The following TMEM117 variants were observed in gnomAD, a reference collection of about 807,000 sequenced individuals.
TMEM117 encodes the protein transmembrane protein 117.
In TMEM117, 27 loss-of-function variants were observed where a neutral mutation model predicts 52.4. That is an observed-to-expected ratio of 0.51 (90% CI 0.38 to 0.71). The LOEUF is 0.71. TMEM117 is among the 30% of genes least tolerant of loss of function. The pLI, the probability that TMEM117 is intolerant of heterozygous loss-of-function variation, is 0.00. For synonymous variants in TMEM117, 215 were observed against 206.3 expected, an observed-to-expected ratio of 1.04 and a Z score of -0.36; for missense variants, 556 against 630.5, an observed-to-expected ratio of 0.88 and a Z score of 1.26.
chr12:43,920,554 T>C (rs1464453204), intron 2 of TMEM117, among the ~76,000 whole-genome samples: 2 of 103,184 alleles, frequency 1.9e-5, no homozygotes, highest in Non-Finnish European at 3.6e-5. Context: ...AGGGCCTTTT[T>C]TTTTTTTTTT....
intron 3 of TMEM117, among the ~76,000 whole-genome samples, chr12:44,058,964 G>C (rs929790319): frequency 1.3e-5 from 2 of 152,134 alleles, no homozygotes; most frequent in East Asian, 1.9e-4. Context: ...TCGGGGGATG[G>C]GTGGAGGTGG....
chr12:44,215,110 AT>A (rs1432470657), intron 5 of TMEM117, among the ~76,000 whole-genome samples: 1 of 152,194 alleles, frequency 6.6e-6, no homozygotes, highest in Non-Finnish European at 1.5e-5. Flanking sequence ...GTGAAAAAAA[AT>A]GTATGGTGGA....
intron 4 of TMEM117, among the ~76,000 whole-genome samples, chr12:44,158,600 C>G (rs1037079986): frequency 1.3e-5 from 2 of 152,098 alleles, no homozygotes; most frequent in African/African-American, 4.8e-5. Flanking sequence ...AGTCTGAGTT[C>G]TATTATTCAA....
chr12:44,311,885 G>GTA (rs1262819349), intron 6 of TMEM117, among the ~76,000 whole-genome samples: 1 of 131,458 alleles, frequency 7.6e-6, no homozygotes, highest in Non-Finnish European at 1.5e-5. Context: ...ATGTATATAT[G>GTA]TATATATATG....
chr12:44,122,279 C>T (rs555203415), intron 3 of TMEM117, among the ~76,000 whole-genome samples: 7 of 152,128 alleles, frequency 4.6e-5, no homozygotes, highest in South Asian at 2.1e-4. Flanking sequence ...CTCCTGACCT[C>T]GTGATCTGCC....
At chr12:44,324,646 G>T (rs868375928) in intron 6 of TMEM117, among the ~76,000 whole-genome samples, 1 of 151,922 alleles carries the variant, frequency 6.6e-6, no homozygotes, top group South Asian at 2.1e-4. Flanking sequence ...ATCATTCTAG[G>T]CTTCAATCTG....
At chr12:44,326,194 G>GT (rs1565717782) in intron 6 of TMEM117, among the ~76,000 whole-genome samples, 1 of 150,832 alleles carries the variant, frequency 6.6e-6, no homozygotes, top group African/African-American at 2.5e-5. Flanking sequence ...TTTGTTTTTT[G>GT]TTTTTTGTTT....
At chr12:44,008,715 T>TA (rs1297085129) in intron 3 of TMEM117, 2 of 361,390 alleles carry the variant, frequency 5.5e-6, no homozygotes, top group African/African-American at 4.4e-5. Flanking sequence ...CTGCATATGA[T>TA]ACAAGTATAA....
chr12:44,210,126 T>C (rs1949625542), intron 4 of TMEM117, among the ~76,000 whole-genome samples: 1 of 152,148 alleles, frequency 6.6e-6, no homozygotes, highest in African/African-American at 2.4e-5. Context: ...GTAAACCTCA[T>C]TTCGTTTCTG....
intron 3 of TMEM117, among the ~76,000 whole-genome samples, chr12:44,039,083 T>G (rs1450953308): frequency 6.6e-6 from 1 of 152,230 alleles, no homozygotes; most frequent in Non-Finnish European, 1.5e-5. Flanking sequence ...TTAATGCAGT[T>G]GAATTCCTAA....
intron 3 of TMEM117, among the ~76,000 whole-genome samples, chr12:43,986,692 T>A (rs1483054471): frequency 6.6e-6 from 1 of 152,168 alleles, no homozygotes; most frequent in Non-Finnish European, 1.5e-5. Context: ...TGTAACATCC[T>A]TTCTGGAATT....
At chr12:43,928,076 C>A (rs1297747220) in intron 2 of TMEM117, among the ~76,000 whole-genome samples, 7 of 151,588 alleles carry the variant, frequency 4.6e-5, no homozygotes, top group Admixed American at 3.9e-4. Flanking sequence ...TATTAAATAT[C>A]TACTATTTTA....
chr12:44,387,379 A>T (rs1478113537), intron 7 of TMEM117, among the ~76,000 whole-genome samples: 1 of 152,090 alleles, frequency 6.6e-6, no homozygotes, highest in African/African-American at 2.4e-5. Context: ...AATCTCTTCA[A>T]ATATATCTTT....
At chr12:44,008,098 C>T (rs1409699743) in intron 3 of TMEM117, among the ~76,000 whole-genome samples, 1 of 152,146 alleles carries the variant, frequency 6.6e-6, no homozygotes, top group African/African-American at 2.4e-5. Flanking sequence ...AGAAAAAGAC[C>T]ATTCACCACT....
At chr12:43,906,030 T>C (rs4238090) in intron 2 of TMEM117, among the ~76,000 whole-genome samples, 119,117 of 152,194 alleles carry the variant, frequency 0.78, 49,111 homozygotes, top group Non-Finnish European at 0.9. Flanking sequence ...TGTATTTTGC[T>C]GTCAATAATT....
chr12:44,354,385 AT>A, intron 6 of TMEM117, among the ~76,000 whole-genome samples: 1 of 152,174 alleles, frequency 6.6e-6, no homozygotes, highest in South Asian at 2.1e-4. Context: ...TTTTAGACCA[AT>A]ATCCTTGATG....
intron 4 of TMEM117, among the ~76,000 whole-genome samples, chr12:44,199,491 T>C (rs886391223): frequency 6.6e-6 from 1 of 152,132 alleles, no homozygotes; most frequent in African/African-American, 2.4e-5. Flanking sequence ...TACTGACCAA[T>C]ATATGACCAC....
chr12:43,870,611 C>A (rs1158402066), intron 2 of TMEM117, among the ~76,000 whole-genome samples: 1 of 151,990 alleles, frequency 6.6e-6, no homozygotes, highest in Non-Finnish European at 1.5e-5. Flanking sequence ...GGTATATACC[C>A]AGTTATATAC....
At chr12:43,820,144 G>A in the TMEM117 span, among the ~76,000 whole-genome samples, 1 of 149,960 alleles carries the variant, frequency 6.7e-6, no homozygotes, top group Admixed American at 6.6e-5. Context: ...TTTTTGCCAA[G>A]TGGAGTGCTG....
Sources: allele counts gnomAD v4.1 joint callset (sites outside exome capture counted in the v4.1 genomes callset), GRCh38; gene constraint gnomAD v4.1.1; transcripts MANE v1.5; gene names NCBI Gene and HGNC (gene_info 2026-07-23, HGNC 2026-07-21).